The following MYH14 variants were observed in gnomAD, a reference collection of about 807,000 sequenced individuals.
The protein encoded by MYH14 is myosin heavy chain 14, also known as myosin-14.
A neutral mutation model predicts 255.5 loss-of-function variants in MYH14; 123 were observed. The observed-to-expected ratio is 0.48, with a 90% confidence interval of 0.42 to 0.56. The LOEUF (loss-of-function observed/expected upper bound fraction) is 0.56. Among genes scored for constraint, MYH14 ranks in the 20% least tolerant of loss-of-function variants. The pLI is 0.00. For missense variants in MYH14, 2,423 were observed against 2,802.3 expected, an observed-to-expected ratio of 0.86 and a Z score of 3.06; for synonymous variants, 1,095 against 1,161.2, an observed-to-expected ratio of 0.94 and a Z score of 1.16.
intron 36 of MYH14, 61 bp downstream of exon 36, chr19:50,291,109 A>G (rs1169316698): frequency 7.1e-6 from 11 of 1,555,308 alleles, no homozygotes; most frequent in African/African-American, 1.4e-5. Flanking sequence ...CCCAACCATC[A>G]CTCCAGGGTC....
chr19:50,207,271 C>CAGAGAGAGAGAGAGAGAG (rs764396652), intron 1 of MYH14, among the ~76,000 whole-genome samples: 1,031 of 76,798 alleles, frequency 0.013, 173 homozygotes, highest in Non-Finnish European at 0.019. Flanking sequence ...GAGAGAGAGA[C>CAGAGAGAGAGAGAGAGAG]AGAGAGAGAG....
In MYH14 at chr19:50,230,370, T is replaced by A. The variant is rs55836114; in HGVS notation, c.875-155T>A. Among the ~76,000 whole-genome samples the A allele has an allele frequency of 0.035, 5,394 of 152,336 alleles. 95 individuals carry two copies. The highest frequency in any genetic ancestry group is 0.051 in the Middle Eastern group (15 of 294). On this transcript the variant is annotated intron_variant, in intron 8 of 42. Transcript: ENST00000642316. The surrounding 1 kb of genome is among the most constrained non-coding windows in gnomAD (Gnocchi z 4.7). ...TTAAGTGACATGAGCACGGCTGCTC[T>A]TCCAGTTAGTGGCAAAGTCACCAGC...
chr19:50,242,871 G>A (rs1364040604), intron 10 of MYH14, among the ~76,000 whole-genome samples: 1 of 152,142 alleles, frequency 6.6e-6, no homozygotes, highest in Non-Finnish European at 1.5e-5. Context: ...ACTGTACAGT[G>A]TCCTTTCCTA....
At chr19:50,211,331 C>A (rs1465134965) in intron 2 of MYH14, among the ~76,000 whole-genome samples, 1 of 151,974 alleles carries the variant, frequency 6.6e-6, no homozygotes, top group African/African-American at 2.4e-5. Flanking sequence ...AAGACCCTGT[C>A]TCAAAAAAAG....
At position 50,271,403 on chromosome 19, in the gene MYH14, C is replaced by A; in HGVS notation, c.3034-6C>A. The A allele has an allele frequency of 6.3e-7, 1 of 1,598,530 alleles. No homozygotes were observed. The highest frequency in any genetic ancestry group is 8.5e-7 in the Non-Finnish European group (1 of 1,173,042). On this transcript the variant is annotated splice_region_variant and splice_polypyrimidine_tract_variant and intron_variant, in intron 24 of 42. Coordinates refer to ENST00000642316, the MANE Select transcript of MYH14 (RefSeq NM_001145809.2). ...TATCCTCACTCCTCCTGCCTTCCCA[C>A]CCCAGGAGCTAGAGGCCCACCTTGA...
In MYH14 at chr19:50,293,662, A is replaced by G. The variant is rs746980653; in HGVS notation, c.5444A>G (p.Asp1815Gly). The G allele has an allele frequency of 1.0e-5, 16 of 1,593,828 alleles. No individual in the cohort carries two copies. Among genetic ancestry groups the G allele is most frequent in the Non-Finnish European group, 1.4e-5 (16 of 1,169,268 alleles). The change falls in exon 39 of 43, where the codon GAC (aspartate) becomes GGC (glycine). Residue 1815 changes from aspartate (D) to glycine (G), a missense_variant. Asp to Gly is a moderately conservative substitution (Grantham distance 94). Transcript: ENST00000642316. This position sits in a 1 kb window ranked among gnomAD's most constrained non-coding sequence, Gnocchi z 4.1. ...EEQSNSELLN[D>G]RYRKLLLQVE... Reference sequence around the variant, plus strand: ...CAGAGCAACTCGGAGCTGCTCAATGACCGCTACCGCAAGCTGCTCCTGCAG... The same window carrying G: ...CAGAGCAACTCGGAGCTGCTCAATGGCCGCTACCGCAAGCTGCTCCTGCAG...
chr19:50,210,910 C>A, intron 2 of MYH14, 140 bp downstream of exon 2: 1 of 1,388,106 alleles, frequency 7.2e-7, no homozygotes, highest in Non-Finnish European at 9.5e-7. Flanking sequence ...CCTACACTTA[C>A]ATGGTTGCCA....
chr19:50,270,077 G>T (rs1031573083), intron 24 of MYH14, among the ~76,000 whole-genome samples: 2 of 152,114 alleles, frequency 1.3e-5, no homozygotes, highest in Non-Finnish European at 2.9e-5. Context: ...AATTAGCCAG[G>T]CATGGTGTCA....
intron 10 of MYH14, among the ~76,000 whole-genome samples, chr19:50,240,386 T>G (rs953761074): frequency 4.6e-5 from 7 of 151,270 alleles, no homozygotes; most frequent in African/African-American, 1.7e-4. Context: ...TGAGACCAAC[T>G]TGGGCAACAT....
At chr19:50,210,895 C>T in intron 2 of MYH14, 125 bp downstream of exon 2, 2 of 1,442,522 alleles carry the variant, frequency 1.4e-6, no homozygotes, top group Non-Finnish European at 1.8e-6. Flanking sequence ...TGTCCCGTGA[C>T]TGTTCCTACA....
intron 2 of MYH14, among the ~76,000 whole-genome samples, chr19:50,217,413 C>T (rs1029852495): frequency 6.6e-6 from 1 of 152,188 alleles, no homozygotes; most frequent in Non-Finnish European, 1.5e-5. Flanking sequence ...CAGACAGTGC[C>T]TTTGTGCAAT....
chr19:50,293,418 G>A lies in MYH14; in HGVS notation c.5345+97G>A. ...GGCTGGGCTCTGGGACAGGAAACTG[G>A]GAGGTGGGCGGGGTTAACCTCGGGG... On this transcript the variant is annotated intron_variant, in intron 38 of 42. Transcript: ENST00000642316. The surrounding 1 kb of genome is among the most constrained non-coding windows in gnomAD (Gnocchi z 4.1). 5 of 1,513,946 alleles carry A rather than the reference G, an allele frequency of 3.3e-6. No individual in the cohort carries two copies. The highest frequency in any genetic ancestry group is 4.5e-6 in the Non-Finnish European group (5 of 1,111,234). The allele number at this position is 1,513,946 out of a possible 1,614,324, so 93.8% of individuals were successfully genotyped here.
rs186386273 is a variant in MYH14 at position 50,239,361 on chromosome 19, C to T, written c.1115-4881C>T. 3.3e-5 allele frequency among the ~76,000 whole-genome samples: 5 copies of T among 152,208 alleles called. No homozygotes were observed. In the East Asian group the frequency reaches 9.7e-4, roughly 30 times the overall value. On this transcript the variant is annotated intron_variant, in intron 10 of 42. Coordinates refer to ENST00000642316, the MANE Select transcript of MYH14 (RefSeq NM_001145809.2). ...TCCTGGTCATCCATCTCTTTACTCT[C>T]CTTCAGTCTGAAACTCTTCCTGAGT...
intron 10 of MYH14, among the ~76,000 whole-genome samples, chr19:50,236,813 G>A (rs143664889): frequency 3.2e-4 from 48 of 152,128 alleles, no homozygotes; most frequent in African/African-American, 1.0e-3. Flanking sequence ...TATAATTCAC[G>A]TCACACCATT....
chr19:50,255,336 TC>T lies in MYH14; in HGVS notation c.2044+19del. The T allele has an allele frequency of 6.5e-7, 1 of 1,540,258 alleles. No homozygotes were observed. The highest frequency in any genetic ancestry group is 8.8e-7 in the Non-Finnish European group (1 of 1,137,846). On this transcript the variant is annotated intron_variant, in intron 17 of 42. Transcript: ENST00000642316. ...GCCAGGGGGTGGGTGTCTCTGTGCATCGATGGGTGAGGCTTGCTGGAGGAGG... is the reference window on the plus strand; with the variant it reads ...GCCAGGGGGTGGGTGTCTCTGTGCATGATGGGTGAGGCTTGCTGGAGGAGG...
intron 7 of MYH14, among the ~76,000 whole-genome samples, 192 bp downstream of exon 7, chr19:50,225,869 T>C: frequency 1.3e-5 from 1 of 76,844 alleles, no homozygotes; most frequent in Non-Finnish European, 2.5e-5. Flanking sequence ...GCTGGGGGCC[T>C]GGACTCTTGA....
chr19:50,291,176 C>T (rs1298018701), intron 36 of MYH14, 128 bp downstream of exon 36: 7 of 767,498 alleles, frequency 9.1e-6, no homozygotes, highest in African/African-American at 5.4e-5. Flanking sequence ...CATGGGTCAG[C>T]ACCTTTATAA....
rs2034345197 is a variant in MYH14 at position 50,250,854 on chromosome 19, G to T, written c.1830+166G>T. Among the ~76,000 whole-genome samples the T allele has an allele frequency of 6.6e-6, 1 of 152,188 alleles. No homozygotes were observed. Among genetic ancestry groups the T allele is most frequent in the South Asian group, 2.1e-4 (1 of 4,826 alleles). ...GGGAGGAGCAAGGATTCTGTCTGAT[G>T]GGATCACCAAAAACTTCCTCAAAGA... On this transcript the variant is annotated intron_variant, in intron 15 of 42. Transcript: ENST00000642316. This position sits in a 1 kb window ranked among gnomAD's most constrained non-coding sequence, Gnocchi z 5.4.
At position 50,262,361 on chromosome 19, in the gene MYH14, A is replaced by C. The variant is rs548926571; in HGVS notation, c.2585+726A>C. Among the ~76,000 whole-genome samples the C allele has an allele frequency of 9.7e-4, 147 of 151,868 alleles. 2 individuals are homozygous for C. The highest frequency in any genetic ancestry group is 3.4e-3 in the Middle Eastern group (1 of 294). On this transcript the variant is annotated intron_variant, in intron 21 of 42. Coordinates refer to ENST00000642316, the MANE Select transcript of MYH14 (RefSeq NM_001145809.2). ...TCACTTGAGGTCAGGAGTTCGAGAC[A>C]AGCCTGGCCAACATGGTGAAACCCC...
Sources: gnomAD v4.1 joint callset for allele counts (sites outside exome capture counted in the v4.1 genomes callset) on GRCh38, gnomAD v4.1.1 for gene constraint, Gnocchi (gnomAD v3.1) non-coding constraint, MANE v1.5 for transcripts, NCBI Gene and HGNC (gene_info 2026-07-23, HGNC 2026-07-21) for gene names.